Variants in PCDHGA5 observed in about 807,000 individuals in gnomAD.
The protein encoded by PCDHGA5 is protocadherin gamma subfamily A, 5.
A neutral mutation model predicts 56.7 loss-of-function variants in PCDHGA5; 36 were observed. The ratio of observed to expected loss-of-function variants is 0.64; its 90% CI spans 0.49 to 0.84. The LOEUF (loss-of-function observed/expected upper bound fraction) is 0.84. Ranked by LOEUF, PCDHGA5 falls within the 40% of genes least tolerant of loss-of-function variation. PCDHGA5 has a pLI of 0.00. For missense variants in PCDHGA5, 1,305 were observed against 1,201.5 expected, an observed-to-expected ratio of 1.09 and a Z score of -1.27; for synonymous variants, 563 against 520.2, an observed-to-expected ratio of 1.08 and a Z score of -1.12.
chr5:141,420,920 A>G, intron 1 of PCDHGA5: 1 of 338,894 alleles, frequency 3.0e-6, no homozygotes, highest in Middle Eastern at 8.3e-4. Flanking sequence ...GTGATTCACA[A>G]AGGTGAGCGT....
intron 1 of PCDHGA5, chr5:141,390,888 G>A (rs1420100403): frequency 6.7e-6 from 1 of 149,538 alleles, no homozygotes; most frequent in African/African-American, 2.4e-5. Context: ...GTGTGTGTGT[G>A]AGAGAGATCC....
chr5:141,414,434 C>T (rs774467993), intron 1 of PCDHGA5: 5 of 1,613,704 alleles, frequency 3.1e-6, no homozygotes, highest in Non-Finnish European at 3.4e-6. Context: ...GAACAGGTAT[C>T]CTCTTACAAT....
chr5:141,491,126 G>A lies in PCDHGA5; in HGVS notation c.2422-3681G>A, dbSNP rs768294944. 1.4e-5 allele frequency: 23 copies of A among 1,613,978 alleles called. No individual in the cohort carries two copies. In the East Asian group the frequency reaches 3.1e-4, roughly 22 times the overall value. On this transcript the variant is annotated intron_variant, in intron 1 of 3. Transcript: ENST00000518069. This position sits in a 1 kb window ranked among gnomAD's most constrained non-coding sequence, Gnocchi z 6.9. ...GTGTCTACACACACTGGTGAGGTGCGCACAGCCCGGGCCTTACTGGAGGAT... is the reference window on the plus strand; with the variant it reads ...GTGTCTACACACACTGGTGAGGTGCACACAGCCCGGGCCTTACTGGAGGAT...
At chr5:141,464,995 G>A (rs1330469198) in intron 1 of PCDHGA5, among the ~76,000 whole-genome samples, 1 of 151,962 alleles carries the variant, frequency 6.6e-6, no homozygotes, top group East Asian at 1.9e-4. Context: ...TCCCACCTCA[G>A]CCTCCCAAAG....
Position 141,365,783 on chromosome 5 carries a change from GCTCGAGTCAC to G in PCDHGA5, c.1456_1465del (p.Arg486ThrfsTer29), listed in dbSNP as rs1561535325. On this transcript the variant is annotated frameshift_variant, in exon 1 of 4. Coordinates refer to ENST00000518069, the MANE Select transcript of PCDHGA5 (RefSeq NM_018918.3). LOFTEE classifies it high-confidence loss of function. ...CCATGACCCCGACAGCGGCGACAAC[GCTCGAGTCAC>G]CTACTCCCTGGCTGAAGACACATTT... is the stretch of plus-strand genomic sequence containing the variant. 1 of 1,613,842 alleles carries G rather than the reference GCTCGAGTCAC, an allele frequency of 6.2e-7. No homozygotes were observed. The highest frequency in any genetic ancestry group is 1.7e-5 in the Admixed American group (1 of 60,028).
At chr5:141,370,820 C>CA in intron 1 of PCDHGA5, 1 of 1,614,062 alleles carries the variant, frequency 6.2e-7, no homozygotes, top group Non-Finnish European at 8.5e-7. Flanking sequence ...AGCTGGAAAT[C>CA]AGCGAACTGG....
In PCDHGA5 at chr5:141,476,208, C is replaced by A. The variant is rs1266601125; in HGVS notation, c.2422-18599C>A. 1.2e-6 allele frequency: 2 copies of A among 1,613,912 alleles called. No homozygotes were observed. Among genetic ancestry groups the A allele is most frequent in the East Asian group, 4.5e-5 (2 of 44,826 alleles). On this transcript the variant is annotated intron_variant, in intron 1 of 3. Coordinates refer to ENST00000518069, the MANE Select transcript of PCDHGA5 (RefSeq NM_018918.3). The surrounding 1 kb of genome is among the most constrained non-coding windows in gnomAD (Gnocchi z 7.6). ...CTTGGTGCCTTGAACAAGGCTTCCA[C>A]GGTCATTCACTATGAGATCCCGGAG...
At chr5:141,408,192 C>A (rs2095055859) in intron 1 of PCDHGA5, 1 of 1,545,004 alleles carries the variant, frequency 6.5e-7, no homozygotes, top group South Asian at 1.2e-5. Flanking sequence ...CAGCGAGAAC[C>A]CGAGCGAACG....
intron 1 of PCDHGA5, chr5:141,419,955 T>C: frequency 1.9e-6 from 3 of 1,614,096 alleles, no homozygotes; most frequent in Non-Finnish European, 2.5e-6. Flanking sequence ...TTGGCCTTGA[T>C]TTCTGTGCTC....
chr5:141,489,625 A>G lies in PCDHGA5; in HGVS notation c.2422-5182A>G. ...GGTAGAGATCCTGGATCTCAATGAC[A>G]ACTCTCCTAGCTTTGCCACCCCTGA... On this transcript the variant is annotated intron_variant, in intron 1 of 3. Transcript: ENST00000518069. The surrounding 1 kb of genome is among the most constrained non-coding windows in gnomAD (Gnocchi z 4.5). 6.2e-7 allele frequency: 1 copy of G among 1,614,076 alleles called. No homozygotes were observed. The highest frequency in any genetic ancestry group is 8.5e-7 in the Non-Finnish European group (1 of 1,180,006).
In PCDHGA5 at chr5:141,432,255, C is replaced by T. The variant is rs1561859576; in HGVS notation, c.2422-62552C>T. The T allele has an allele frequency of 6.2e-7, 1 of 1,614,246 alleles. No individual in the cohort carries two copies. The highest frequency in any genetic ancestry group is 8.5e-7 in the Non-Finnish European group (1 of 1,180,048). On this transcript the variant is annotated intron_variant, in intron 1 of 3. Transcript: ENST00000518069. This position sits in a 1 kb window ranked among gnomAD's most constrained non-coding sequence, Gnocchi z 6.0. The stretch of plus-strand genomic sequence containing the variant: ...CTGGCTGAGAACACCATCCAAGGGG[C>T]AAGCCTATCGTCCTACGTGTCCATC...
chr5:141,510,839 C>T (rs186647886), intron 3 of PCDHGA5, 108 bp from the exon 4 acceptor site: 36 of 1,586,990 alleles, frequency 2.3e-5, no homozygotes, highest in Non-Finnish European at 3.1e-5. Context: ...TCAGCGTGGT[C>T]AAGGCCCAGG....
rs879045129 is a variant in PCDHGA5, at chr5:141,366,878, A to T, written c.2421+127A>T. 2.5e-5 allele frequency: 33 copies of T among 1,341,426 alleles called. No homozygotes were observed. The South Asian group carries it at 4.2e-4, about 17-fold the overall frequency. The allele number at this position is 1,341,426 out of a possible 1,614,324, so 83.1% of individuals were successfully genotyped here. On this transcript the variant is annotated intron_variant, in intron 1 of 3. Transcript: ENST00000518069. Reference sequence around the variant, plus strand: ...ACATTATTTGCTGTATTGGAGATTAATTTTTTTTATATAATTCATGCTTTC... The same window carrying T: ...ACATTATTTGCTGTATTGGAGATTATTTTTTTTTATATAATTCATGCTTTC...
In PCDHGA5 at chr5:141,487,680, A is replaced by G; in HGVS notation, c.2422-7127A>G. On this transcript the variant is annotated intron_variant, in intron 1 of 3. Coordinates refer to ENST00000518069, the MANE Select transcript of PCDHGA5 (RefSeq NM_018918.3). This position sits in a 1 kb window ranked among gnomAD's most constrained non-coding sequence, Gnocchi z 5.0. ...TCTGATCCAGGCATATGGCTAGGCC[A>G]TGTCCTAGAGAGTACTGGCCTCTCA... 6.2e-7 allele frequency: 1 copy of G among 1,609,370 alleles called. No individual in the cohort carries two copies. The highest frequency in any genetic ancestry group is 2.2e-5 in the East Asian group (1 of 44,826).
intron 1 of PCDHGA5, among the ~76,000 whole-genome samples, chr5:141,420,845 G>A (rs1038454602): frequency 6.6e-6 from 1 of 152,200 alleles, no homozygotes; most frequent in African/African-American, 2.4e-5. Flanking sequence ...GGTGTTCTTG[G>A]TAAAGTTTTA....
At chr5:141,419,974 C>T (rs368697962) in intron 1 of PCDHGA5, 3 of 1,613,962 alleles carry the variant, frequency 1.9e-6, no homozygotes, top group Non-Finnish European at 2.5e-6. Context: ...TCTTTCTCCT[C>T]GCGGTGATTC....
chr5:141,432,413 G>C lies in PCDHGA5; in HGVS notation c.2422-62394G>C, dbSNP rs369816901. 9 of 1,614,114 alleles carry C rather than the reference G, an allele frequency of 5.6e-6. No homozygotes were observed. The highest frequency in any genetic ancestry group is 1.3e-5 in the African/African-American group (1 of 74,946). ...CAGCAACGTGTCGTTGAGCCTGTTCGTGCTGGACCAGAACGACAATGCGCC... is the reference window on the plus strand; with the variant it reads ...CAGCAACGTGTCGTTGAGCCTGTTCCTGCTGGACCAGAACGACAATGCGCC... On this transcript the variant is annotated intron_variant, in intron 1 of 3. Coordinates refer to ENST00000518069, the MANE Select transcript of PCDHGA5 (RefSeq NM_018918.3). This position sits in a 1 kb window ranked among gnomAD's most constrained non-coding sequence, Gnocchi z 6.0.
At chr5:141,481,191 C>A (rs1244434918) in intron 1 of PCDHGA5, among the ~76,000 whole-genome samples, 1 of 152,148 alleles carries the variant, frequency 6.6e-6, no homozygotes, top group Non-Finnish European at 1.5e-5. Context: ...GGGCCAGGCC[C>A]AATTTTTTTA....
chr5:141,445,991 T>C (rs532620580), intron 1 of PCDHGA5, among the ~76,000 whole-genome samples: 147 of 152,168 alleles, frequency 9.7e-4, no homozygotes, highest in Admixed American at 3.4e-3. Context: ...TAAATAGAAA[T>C]AGGAAGATAA....
Sources: allele counts gnomAD v4.1 joint callset (sites outside exome capture counted in the v4.1 genomes callset), GRCh38; gene constraint gnomAD v4.1.1; non-coding constraint Gnocchi (gnomAD v3.1); transcripts MANE v1.5; gene names NCBI Gene and HGNC (gene_info 2026-07-23, HGNC 2026-07-21).